GRM7: variants seen among roughly 807,000 people sequenced by gnomAD.
GRM7 encodes glutamate metabotropic receptor 7.
GRM7 carries 35 observed loss-of-function variants against 84.5 expected under a neutral mutation model. The observed-to-expected ratio is 0.41, with a 90% CI of 0.32 to 0.55. GRM7 has a LOEUF of 0.55. Among genes scored for constraint, GRM7 ranks in the 20% least tolerant of loss-of-function variants. The probability of loss-of-function intolerance (pLI) is 0.19; values close to 1 mark genes in which losing one functional copy is unlikely to be tolerated. For missense variants in GRM7, 1,003 were observed against 1,194.6 expected (o/e 0.84, Z 2.36); for synonymous variants, 487 against 455.1 (o/e 1.07, Z -0.89).
chr3:7,628,414 G>A (rs1443758007), intron 8 of GRM7, among the ~76,000 whole-genome samples: 1 of 152,080 alleles, frequency 6.6e-6, no homozygotes, highest in Non-Finnish European at 1.5e-5. Flanking sequence ...AATTTACTTA[G>A]CAATCATTGC....
At chr3:7,478,752 T>G (rs1699021904) in intron 7 of GRM7, among the ~76,000 whole-genome samples, 1 of 152,248 alleles carries the variant, frequency 6.6e-6, no homozygotes, top group Admixed American at 6.5e-5. Context: ...GTGAAGGCAT[T>G]TTAGTACTCA....
At chr3:7,427,728 T>A (rs374485841) in intron 5 of GRM7, among the ~76,000 whole-genome samples, 3 of 152,136 alleles carry the variant, frequency 2.0e-5, no homozygotes, top group Non-Finnish European at 2.9e-5. Context: ...AAAACCCCAA[T>A]TGATCTTTTT....
At chr3:7,033,018 A>G (rs1219885263) in intron 1 of GRM7, among the ~76,000 whole-genome samples, 1 of 152,190 alleles carries the variant, frequency 6.6e-6, no homozygotes, top group Non-Finnish European at 1.5e-5. Context: ...TCTGAAATCA[A>G]GGCATCAATA....
intron 5 of GRM7, among the ~76,000 whole-genome samples, chr3:7,451,274 G>A (rs1244919891): frequency 6.6e-6 from 1 of 152,100 alleles, no homozygotes; most frequent in Non-Finnish European, 1.5e-5. Flanking sequence ...TTCAATGGTG[G>A]GGATCCAAAG....
chr3:7,702,268 G>A (rs1701253860), intron 9 of GRM7, among the ~76,000 whole-genome samples: 1 of 152,196 alleles, frequency 6.6e-6, no homozygotes, highest in South Asian at 2.1e-4. Flanking sequence ...AATCTTGTTA[G>A]ACTGTGGGTG....
intron 1 of GRM7, among the ~76,000 whole-genome samples, chr3:7,130,429 G>A (rs1396880874): frequency 6.6e-6 from 1 of 151,948 alleles, no homozygotes; most frequent in East Asian, 1.9e-4. Context: ...TGTAATCCCA[G>A]GTACTTGAGA....
intron 4 of GRM7, among the ~76,000 whole-genome samples, chr3:7,373,952 G>C (rs1040197967): frequency 6.6e-6 from 1 of 152,120 alleles, no homozygotes; most frequent in African/African-American, 2.4e-5. Context: ...TCTGTGACTA[G>C]TGGCTACCAT....
At chr3:7,593,054 C>T (rs992684351) in intron 8 of GRM7, among the ~76,000 whole-genome samples, 15 of 152,198 alleles carry the variant, frequency 9.9e-5, no homozygotes, top group Non-Finnish European at 2.2e-4. Context: ...CATGGAAATG[C>T]TCTTGCTAGT....
At chr3:6,891,543 GA>G in intron 1 of GRM7, among the ~76,000 whole-genome samples, 2 of 152,262 alleles carry the variant, frequency 1.3e-5, no homozygotes, top group South Asian at 4.2e-4. Context: ...TTTTCTTTAG[GA>G]ATGTTGAATA....
chr3:7,347,615 G>A (rs1331002846), intron 4 of GRM7, among the ~76,000 whole-genome samples: 1 of 152,140 alleles, frequency 6.6e-6, no homozygotes, highest in Non-Finnish European at 1.5e-5. Flanking sequence ...CAGTATCTCA[G>A]CATCTCAATA....
chr3:6,918,487 C>G (rs901892844), intron 1 of GRM7, among the ~76,000 whole-genome samples: 2 of 152,192 alleles, frequency 1.3e-5, no homozygotes, highest in Admixed American at 6.5e-5. Flanking sequence ...AGCTCCATCA[C>G]TTACTAGTTG....
chr3:7,311,581 A>G (rs979971057), intron 4 of GRM7, among the ~76,000 whole-genome samples: 1 of 146,702 alleles, frequency 6.8e-6, no homozygotes, highest in Non-Finnish European at 1.5e-5. Context: ...ATCTTATGGC[A>G]CTTGTGTTTC....
intron 7 of GRM7, among the ~76,000 whole-genome samples, chr3:7,500,370 G>C (rs1422785842): frequency 6.6e-6 from 1 of 152,178 alleles, no homozygotes; most frequent in Non-Finnish European, 1.5e-5. Flanking sequence ...AGAATTCAGA[G>C]TCGGTGTTTG....
At chr3:6,970,961 C>T (rs764923057) in intron 1 of GRM7, among the ~76,000 whole-genome samples, 1 of 149,734 alleles carries the variant, frequency 6.7e-6, no homozygotes, top group Non-Finnish European at 1.5e-5. Flanking sequence ...CAGCCTGGGC[C>T]ACAGAGCGAG....
chr3:7,423,846 G>A (rs1696496111), intron 5 of GRM7, among the ~76,000 whole-genome samples: 2 of 152,128 alleles, frequency 1.3e-5, no homozygotes, highest in South Asian at 2.1e-4. Flanking sequence ...CCAGGTATGT[G>A]GGCGAACACA....
chr3:7,172,346 G>T (rs557789964), intron 2 of GRM7, among the ~76,000 whole-genome samples: 1 of 152,254 alleles, frequency 6.6e-6, no homozygotes, highest in South Asian at 2.1e-4. Flanking sequence ...CCAAAGGTAA[G>T]GAAGTGAACA....
chr3:7,322,488 C>G (rs1251983146), intron 4 of GRM7, among the ~76,000 whole-genome samples: 1 of 151,672 alleles, frequency 6.6e-6, no homozygotes, highest in African/African-American at 2.4e-5. Context: ...TTCTGAGATT[C>G]TGGTGTACCT....
At chr3:7,261,886 T>TTCCCTCCC (rs1218115933) in intron 2 of GRM7, among the ~76,000 whole-genome samples, 1 of 143,060 alleles carries the variant, frequency 7.0e-6, no homozygotes, top group African/African-American at 2.6e-5. Context: ...TCTGTCAGAA[T>TTCCCTCCC]TCCCTCCCTC....
intron 1 of GRM7, among the ~76,000 whole-genome samples, chr3:7,068,420 C>T (rs1452582578): frequency 6.6e-6 from 1 of 152,012 alleles, no homozygotes; most frequent in Non-Finnish European, 1.5e-5. Context: ...GTAATAGTTA[C>T]GCACAAAGTA....
Sources: gnomAD v4.1 joint callset for allele counts (sites outside exome capture counted in the v4.1 genomes callset) on GRCh38, gnomAD v4.1.1 for gene constraint, MANE v1.5 for transcripts, NCBI Gene and HGNC (gene_info 2026-07-23, HGNC 2026-07-21) for gene names.